OPHN1: variants seen among roughly 807,000 people sequenced by gnomAD.
The protein encoded by OPHN1 is oligophrenin-1.
Under a neutral mutation model 60.7 loss-of-function variants are expected in OPHN1, and 11 were observed. That is an observed-to-expected ratio of 0.18 (90% confidence interval 0.11 to 0.30). The LOEUF (loss-of-function observed/expected upper bound fraction) is 0.30. Ranked by LOEUF, OPHN1 falls within the 10% of genes least tolerant of loss-of-function variation. The pLI, the probability that OPHN1 is intolerant of heterozygous loss-of-function variation, is 1.00. For synonymous variants in OPHN1, 226 were observed against 222.6 expected (o/e 1.02, Z -0.14); for missense variants, 449 against 611.0 (o/e 0.73, Z 2.80).
intron 15 of OPHN1, among the ~76,000 whole-genome samples, chrX:68,132,262 C>T (rs944864269): frequency 5.7e-5 from 6 of 105,705 alleles, no homozygotes; most frequent in Admixed American, 2.1e-4. Flanking sequence ...ATGTTTATTG[C>T]GGCATTATTC....
chrX:68,134,678 T>G (rs2077211873), intron 15 of OPHN1, among the ~76,000 whole-genome samples: 1 of 110,148 alleles, frequency 9.1e-6, no homozygotes, highest in African/African-American at 3.3e-5. Flanking sequence ...GGCCTGGGCC[T>G]GGGCCAGGGC....
At chrX:68,219,778 G>C (rs1311620095) in intron 6 of OPHN1, among the ~76,000 whole-genome samples, 8 of 104,321 alleles carry the variant, frequency 7.7e-5, no homozygotes, top group Non-Finnish European at 1.6e-4. Context: ...TGCATTCAAA[G>C]CAGTGTGTAG....
chrX:68,053,992 A>C (rs1313838576), intron 21 of OPHN1, among the ~76,000 whole-genome samples, 182 bp from the exon 22 acceptor site: 1 of 104,314 alleles, frequency 9.6e-6, no homozygotes, highest in Non-Finnish European at 1.9e-5. Context: ...GTCCCTTCAG[A>C]AAGTCTATAT....
At chrX:68,163,223 T>C (rs911673981) in intron 15 of OPHN1, among the ~76,000 whole-genome samples, 4 of 111,843 alleles carry the variant, frequency 3.6e-5, no homozygotes, top group Non-Finnish European at 5.7e-5. Flanking sequence ...AATATCTTGC[T>C]AATTTAAAGT....
chrX:68,320,808 T>G (rs1487946850), intron 2 of OPHN1, among the ~76,000 whole-genome samples: 1 of 111,769 alleles, frequency 8.9e-6, no homozygotes, highest in East Asian at 2.8e-4. Flanking sequence ...ACTGACCAGA[T>G]TCAAGTTGGG....
At chrX:68,050,434 G>C (rs1238947157) in intron 23 of OPHN1, among the ~76,000 whole-genome samples, 1 of 112,048 alleles carries the variant, frequency 8.9e-6, no homozygotes, top group Non-Finnish European at 1.9e-5. Context: ...GGTTGTGCTT[G>C]ATCTAAGGCT....
intron 2 of OPHN1, among the ~76,000 whole-genome samples, chrX:68,360,274 G>T (rs1039542397): frequency 9.0e-6 from 1 of 110,668 alleles, no homozygotes; most frequent in South Asian, 3.9e-4. Context: ...AAACTCCTGC[G>T]TTCAAGTGAT....
At chrX:68,214,803 C>T (rs2077600696) in intron 6 of OPHN1, among the ~76,000 whole-genome samples, 1 of 111,088 alleles carries the variant, frequency 9.0e-6, no homozygotes, top group African/African-American at 3.3e-5. Context: ...TCAAGACCAG[C>T]TTGGCCAACA....
rs930205510 is a variant in OPHN1 at position 68,433,226 on chromosome X, G to A, written c.-63C>T. 1.4e-5 allele frequency: 6 copies of A among 425,599 alleles called. No homozygotes were observed. Among genetic ancestry groups the A allele is most frequent in the Admixed American group, 4.3e-5 (1 of 23,401 alleles). 35.1% of individuals were successfully genotyped at this position (425,599 alleles called of 1,213,427 possible). A position where few individuals can be genotyped will look rare whatever the true frequency, so the allele number is the denominator to read the frequency against. ...GGTCCGGACAGAGAACAGGCGCCCC[G>A]GCGATGGCTTCAGGGCCAGGGAGAG... On this transcript the variant is annotated 5_prime_UTR_variant, in exon 1 of 25. Transcript: ENST00000355520.
At chrX:68,123,997 T>C (rs2077159874) in intron 15 of OPHN1, among the ~76,000 whole-genome samples, 1 of 110,302 alleles carries the variant, frequency 9.1e-6, no homozygotes, top group Non-Finnish European at 1.9e-5. Context: ...AAAAAACACA[T>C]TTATCCTGTA....
intron 15 of OPHN1, among the ~76,000 whole-genome samples, chrX:68,130,988 A>C (rs956259438): frequency 4.5e-5 from 5 of 110,952 alleles, no homozygotes; most frequent in Non-Finnish European, 9.4e-5. Flanking sequence ...AGTTGTCAAA[A>C]GGCAGACTTT....
At chrX:68,386,821 A>T in intron 2 of OPHN1, among the ~76,000 whole-genome samples, 1 of 112,283 alleles carries the variant, frequency 8.9e-6, no homozygotes, top group East Asian at 2.8e-4. Flanking sequence ...TCTATCTGCA[A>T]CTGTTATTAA....
At chrX:68,426,207 G>A (rs569843879) in intron 2 of OPHN1, among the ~76,000 whole-genome samples, 2 of 111,048 alleles carry the variant, frequency 1.8e-5, no homozygotes, top group African/African-American at 6.5e-5. Flanking sequence ...TTGGGAGGCC[G>A]AGATGGGTGG....
intron 21 of OPHN1, among the ~76,000 whole-genome samples, chrX:68,063,448 G>A (rs1170892348): frequency 2.7e-5 from 3 of 109,458 alleles, no homozygotes; most frequent in Non-Finnish European, 3.8e-5. Flanking sequence ...TTGAACCTAG[G>A]AGGCGGAGGC....
At chrX:68,296,864 C>A (rs1435361214) in intron 3 of OPHN1, among the ~76,000 whole-genome samples, 1 of 110,068 alleles carries the variant, frequency 9.1e-6, no homozygotes, top group Non-Finnish European at 1.9e-5. Flanking sequence ...CCCCACAGAC[C>A]CCCACAGGAA....
At chrX:68,092,531 A>T in intron 19 of OPHN1, among the ~76,000 whole-genome samples, 1 of 112,290 alleles carries the variant, frequency 8.9e-6, no homozygotes. Flanking sequence ...AAACATGGTC[A>T]GCGTACATCT....
intron 20 of OPHN1, among the ~76,000 whole-genome samples, chrX:68,064,552 C>T (rs914318340): frequency 4.3e-4 from 48 of 112,452 alleles, no homozygotes; most frequent in African/African-American, 1.4e-3. Context: ...AACCACTTCT[C>T]TGAAAAGTAT....
chrX:68,174,927 T>C (rs935714997), intron 15 of OPHN1, among the ~76,000 whole-genome samples: 6 of 109,741 alleles, frequency 5.5e-5, no homozygotes, highest in Non-Finnish European at 1.1e-4. Flanking sequence ...CTACTAAAAA[T>C]ACAAAAATTA....
chrX:68,180,766 A>G (rs1343261373), intron 15 of OPHN1, among the ~76,000 whole-genome samples: 1 of 111,840 alleles, frequency 8.9e-6, no homozygotes, highest in African/African-American at 3.2e-5. Context: ...CTACTATTCC[A>G]GGAAATTTCT....
Sources: gnomAD v4.1 joint callset for allele counts (sites outside exome capture counted in the v4.1 genomes callset) on GRCh38, gnomAD v4.1.1 for gene constraint, MANE v1.5 for transcripts, NCBI Gene and HGNC (gene_info 2026-07-23, HGNC 2026-07-21) for gene names.